Variants in KANK1 observed in about 807,000 individuals in gnomAD.
KANK1 encodes KN motif and ankyrin repeat domain-containing protein 1.
In KANK1, 109 loss-of-function variants were observed where a neutral mutation model predicts 106.2. The observed-to-expected ratio is 1.03, with a 90% confidence interval of 0.88 to 1.20. The LOEUF (loss-of-function observed/expected upper bound fraction) is 1.20. KANK1 is among the 50% of genes most tolerant of loss of function. KANK1 has a pLI of 0.00. For missense variants in KANK1, 2,399 were observed against 1,710.7 expected (o/e 1.40, Z -7.10); for synonymous variants, 873 against 652.2 (o/e 1.34, Z -5.16).
intron 1 of KANK1, among the ~76,000 whole-genome samples, chr9:594,965 CTTA>C (rs1260280596): frequency 6.6e-6 from 1 of 151,624 alleles, no homozygotes; most frequent in Non-Finnish European, 1.5e-5. Flanking sequence ...GTCATCTTTT[CTTA>C]TTATAGAAAC....
chr9:474,275 GA>G (rs1378673953), intron 3 of KANK1, among the ~76,000 whole-genome samples: 2 of 152,166 alleles, frequency 1.3e-5, no homozygotes, highest in African/African-American at 4.8e-5. Flanking sequence ...TGGCTCAGAG[GA>G]AATGCTGGTA....
At chr9:537,706 G>A (rs1199596984) in intron 1 of KANK1, among the ~76,000 whole-genome samples, 1 of 152,168 alleles carries the variant, frequency 6.6e-6, no homozygotes, top group Non-Finnish European at 1.5e-5. Flanking sequence ...CCCCCCAGGG[G>A]CATTTGGCAG....
rs762148441 is a variant in KANK1, at chr9:711,528, C to A, written c.762C>A (p.Asn254Lys). Reference sequence around the variant, plus strand: ...CAGGGATCTCCACCCCAGTGACCAACGTGAGCCCCATGCACCTGCAGCACA... The same window carrying A: ...CAGGGATCTCCACCCCAGTGACCAAAGTGAGCCCCATGCACCTGCAGCACA... ...LSSGISTPVT[N>K]VSPMHLQHIR... is the part of the protein sequence containing the mutation. The change falls in exon 3 of 12, where the codon AAC becomes AAA. Residue 254 changes from asparagine to lysine, a missense_variant. Asn to Lys is a moderately conservative substitution (Grantham distance 94). Coordinates refer to ENST00000382297, the MANE Select transcript of KANK1 (RefSeq NM_015158.5). 1.2e-6 allele frequency: 2 copies of A among 1,613,648 alleles called. No homozygotes were observed. The highest frequency in any genetic ancestry group is 1.7e-5 in the Admixed American group (1 of 59,958).
chr9:712,236 A>C lies in KANK1; in HGVS notation c.1470A>C (p.Gln490His). 1 of 1,614,152 alleles carries C rather than the reference A, an allele frequency of 6.2e-7. No individual in the cohort carries two copies. The highest frequency in any genetic ancestry group is 8.5e-7 in the Non-Finnish European group (1 of 1,179,972). ...THDREMTKLKQELQAAGSRKK... is the reference protein window; with the variant it reads ...THDREMTKLKHELQAAGSRKK... Reference sequence around the variant, plus strand: ...ACCGGGAGATGACTAAACTGAAACAAGAGCTGCAGGCTGCTGGATCGAGGA... The same window carrying C: ...ACCGGGAGATGACTAAACTGAAACACGAGCTGCAGGCTGCTGGATCGAGGA... The change falls in exon 3 of 12, where the codon CAA becomes CAC. Residue 490 changes from glutamine (Q) to histidine (H), a missense_variant. Coordinates refer to ENST00000382297, the MANE Select transcript of KANK1 (RefSeq NM_015158.5).
At chr9:663,688 G>A (rs552686034) in intron 1 of KANK1, among the ~76,000 whole-genome samples, 1 of 152,164 alleles carries the variant, frequency 6.6e-6, no homozygotes, top group East Asian at 1.9e-4. Flanking sequence ...GGAAGTGTCA[G>A]TTATCTTTAA....
intron 1 of KANK1, among the ~76,000 whole-genome samples, chr9:663,035 C>T (rs1350975769): frequency 6.6e-6 from 1 of 152,152 alleles, no homozygotes; most frequent in South Asian, 2.1e-4. Flanking sequence ...CCCCCTTTTA[C>T]TTAGTGACAG....
At chr9:520,194 C>T (rs1179682845) in intron 1 of KANK1, among the ~76,000 whole-genome samples, 2 of 151,532 alleles carry the variant, frequency 1.3e-5, no homozygotes, top group South Asian at 4.1e-4. Flanking sequence ...AAAAATTAGC[C>T]GTGTGTGGTA....
In KANK1 at chr9:746,086, A is replaced by G. The variant is rs1837087455; in HGVS notation, c.*851A>G. ...TAGACTCTTGCCATATTTTCAAAAT[A>G]AAATTCCATTAAGCTCTTTTCCTTG... On this transcript the variant is annotated 3_prime_UTR_variant, in exon 12 of 12. Transcript: ENST00000382297. 1 of 152,462 alleles carries G rather than the reference A, an allele frequency of 6.6e-6. No homozygotes were observed. Among genetic ancestry groups the G allele is most frequent in the African/African-American group, 2.4e-5 (1 of 41,268 alleles). The allele number at this position is 152,462 out of a possible 1,614,324, so 9.4% of individuals were successfully genotyped here.
At chr9:725,143 G>C (rs1043326494) in intron 3 of KANK1, among the ~76,000 whole-genome samples, 2 of 152,116 alleles carry the variant, frequency 1.3e-5, no homozygotes, top group African/African-American at 4.8e-5. Flanking sequence ...TTGATTTGGG[G>C]ACAGGGGACT....
At chr9:740,519 C>T (rs984258421) in intron 8 of KANK1, among the ~76,000 whole-genome samples, 1 of 152,222 alleles carries the variant, frequency 6.6e-6, no homozygotes, top group African/African-American at 2.4e-5. Context: ...GACTTCCAAG[C>T]CATTGCATTT....
intron 2 of KANK1, among the ~76,000 whole-genome samples, chr9:700,052 G>C (rs1822265340): frequency 6.6e-6 from 1 of 152,188 alleles, no homozygotes; most frequent in Admixed American, 6.5e-5. Flanking sequence ...GTGAATTGCA[G>C]TAGGCAGTAT....
At chr9:621,316 G>A (rs1833093050) in intron 1 of KANK1, among the ~76,000 whole-genome samples, 2 of 152,114 alleles carry the variant, frequency 1.3e-5, no homozygotes. Context: ...TTGGCCTTAT[G>A]AAGCATTGCT....
chr9:736,251 G>A lies in KANK1; in HGVS notation c.3333+1416G>A, dbSNP rs559542217. The stretch of plus-strand genomic sequence containing the variant: ...GGGATTTACAGGCATGACCCACCGC[G>A]CCTGGCCTCAAAAACTTAACACAAT... On this transcript the variant is annotated intron_variant, in intron 7 of 11. Coordinates refer to ENST00000382297, the MANE Select transcript of KANK1 (RefSeq NM_015158.5). 4.6e-5 allele frequency among the ~76,000 whole-genome samples: 7 copies of A among 152,206 alleles called. No individual in the cohort carries two copies. The East Asian group carries it at 5.8e-4, about 13-fold the overall frequency.
intron 2 of KANK1, chr9:684,662 C>G (rs1216073950): frequency 5.0e-6 from 4 of 792,086 alleles, no homozygotes; most frequent in Non-Finnish European, 6.1e-6. Flanking sequence ...AAAGGTATAG[C>G]TCATTTGCTT....
At chr9:743,690 C>G (rs888742292) in intron 10 of KANK1, among the ~76,000 whole-genome samples, 1 of 151,954 alleles carries the variant, frequency 6.6e-6, no homozygotes, top group African/African-American at 2.4e-5. Flanking sequence ...CATAGTGAGA[C>G]TCCCATCTCT....
At chr9:508,412 C>G (rs1207892474) in intron 1 of KANK1, among the ~76,000 whole-genome samples, 1 of 152,212 alleles carries the variant, frequency 6.6e-6, no homozygotes, top group Admixed American at 6.5e-5. Flanking sequence ...GCTGGCATTA[C>G]AGGCGTGAGC....
upstream of KANK1, among the ~76,000 whole-genome samples, chr9:500,911 A>G (rs1022972414): frequency 6.6e-6 from 1 of 152,212 alleles, no homozygotes; most frequent in Non-Finnish European, 1.5e-5. Flanking sequence ...GAAAGATTAC[A>G]ACATATGACT....
intron 3 of KANK1, among the ~76,000 whole-genome samples, chr9:722,586 G>GT (rs1829636929): frequency 1.3e-5 from 2 of 152,216 alleles, no homozygotes; most frequent in South Asian, 4.1e-4. Context: ...ACAACTACAA[G>GT]TGGGTCCTTA....
intron 10 of KANK1, among the ~76,000 whole-genome samples, chr9:743,405 C>G (rs1836229031): frequency 6.6e-6 from 1 of 152,192 alleles, no homozygotes; most frequent in Non-Finnish European, 1.5e-5. Context: ...GGAGGGAGAG[C>G]TTCTGACCGA....
Sources: allele counts gnomAD v4.1 joint callset (sites outside exome capture counted in the v4.1 genomes callset), GRCh38; gene constraint gnomAD v4.1.1; transcripts MANE v1.5; gene names NCBI Gene and HGNC (gene_info 2026-07-23, HGNC 2026-07-21).